The following USP39 variants were observed in gnomAD, a reference collection of about 807,000 sequenced individuals.
USP39 encodes the protein ubiquitin specific peptidase 39.
A neutral mutation model predicts 66.4 loss-of-function variants in USP39; 38 were observed. That is an observed-to-expected ratio of 0.57 (90% CI 0.44 to 0.75). The LOEUF (loss-of-function observed/expected upper bound fraction) is 0.75. Ranked by LOEUF, USP39 falls within the 30% of genes least tolerant of loss-of-function variation. USP39 has a pLI of 0.00. For synonymous variants in USP39, 303 were observed against 274.6 expected (o/e 1.10, Z -1.02); for missense variants, 608 against 714.4 (o/e 0.85, Z 1.70).
intron 4 of USP39, 73 bp downstream of exon 4, chr2:85,623,855 C>T (rs1359617171): frequency 1.4e-6 from 2 of 1,470,916 alleles, no homozygotes; most frequent in South Asian, 1.4e-5. Flanking sequence ...GGGACTGCCC[C>T]ACCTGAGGAC....
chr2:85,637,311 T>C, intron 7 of USP39, 58 bp from the exon 8 acceptor site: 3 of 1,575,266 alleles, frequency 1.9e-6, no homozygotes, highest in Admixed American at 1.7e-5. Context: ...GCTGGAAATA[T>C]ACTTCAGACA....
chr2:85,636,465 C>T (rs1265496032), intron 7 of USP39, among the ~76,000 whole-genome samples: 1 of 152,080 alleles, frequency 6.6e-6, no homozygotes, highest in Non-Finnish European at 1.5e-5. Flanking sequence ...AGGCCCCTCT[C>T]CATAGTTTTT....
At chr2:85,641,235 T>C in intron 10 of USP39, 117 bp downstream of exon 10, 2 of 1,245,912 alleles carry the variant, frequency 1.6e-6, no homozygotes, top group Non-Finnish European at 2.3e-6. Flanking sequence ...GAACAGAGCC[T>C]ACCTACAGTA....
upstream of USP39, chr2:85,609,084 T>C: frequency 6.2e-7 from 1 of 1,613,364 alleles, no homozygotes. Flanking sequence ...GGAGGAAGAG[T>C]CAGAAGGCTC....
upstream of USP39, chr2:85,609,397 C>T (rs1473782305): frequency 6.2e-7 from 1 of 1,608,082 alleles, no homozygotes; most frequent in Non-Finnish European, 8.5e-7. Flanking sequence ...TACCATGGCC[C>T]AGGACCTTCA....
At chr2:85,637,721 A>G (rs903907096) in intron 8 of USP39, among the ~76,000 whole-genome samples, 4 of 151,996 alleles carry the variant, frequency 2.6e-5, no homozygotes, top group Non-Finnish European at 5.9e-5. Context: ...TGTTTTTCTT[A>G]GTCTCCCTCT....
At chr2:85,630,005 G>C (rs958974426) in intron 5 of USP39, among the ~76,000 whole-genome samples, 2 of 151,886 alleles carry the variant, frequency 1.3e-5, no homozygotes, top group African/African-American at 4.8e-5. Context: ...GGGAACAGGT[G>C]GTTTTTGGTT....
chr2:85,637,079 A>G (rs1184147860), intron 7 of USP39, among the ~76,000 whole-genome samples: 1 of 152,176 alleles, frequency 6.6e-6, no homozygotes, highest in Non-Finnish European at 1.5e-5. Flanking sequence ...TTTGTAATTC[A>G]TGTATCACCA....
intron 6 of USP39, among the ~76,000 whole-genome samples, chr2:85,631,597 T>C (rs1675342827): frequency 6.6e-6 from 1 of 152,140 alleles, no homozygotes; most frequent in East Asian, 1.9e-4. Context: ...GAATAGAAAG[T>C]CGGTCTTATT....
upstream of USP39, among the ~76,000 whole-genome samples, chr2:85,612,578 C>A (rs576067019): frequency 2.6e-4 from 40 of 152,358 alleles, 2 homozygotes; most frequent in Admixed American, 2.3e-3. Context: ...GCTCACGGCG[C>A]CGATGGCTTA....
chr2:85,648,851 A>G lies in USP39; in HGVS notation c.*43A>G, dbSNP rs777950929. The G allele has an allele frequency of 6.2e-7, 1 of 1,610,574 alleles. No homozygotes were observed. The highest frequency in any genetic ancestry group is 8.5e-7 in the Non-Finnish European group (1 of 1,177,948). The stretch of plus-strand genomic sequence containing the variant: ...TTGCTCCCAAGGGCTGTGGCTGATG[A>G]TGGTAAATAAGAACACAGAAGCTGT... On this transcript the variant is annotated 3_prime_UTR_variant, in exon 13 of 13. Transcript: ENST00000323701.
Position 85,616,237 on chromosome 2 carries a change from C to T in USP39, c.42C>T (p.Arg14=), listed in dbSNP as rs200244374. The T allele has an allele frequency of 2.0e-6, 3 of 1,489,202 alleles. No individual in the cohort carries two copies. The highest frequency in any genetic ancestry group is 2.7e-6 in the Non-Finnish European group (3 of 1,116,996). 92.2% of individuals were successfully genotyped at this position (1,489,202 alleles called of 1,614,324 possible). The change falls in exon 1 of 13, where the codon CGC becomes CGT. Residue 14 remains arginine, a synonymous_variant. Transcript: ENST00000323701. ...RSKRESRGST[R]GKRESESRGS... is the part of the protein sequence containing the mutation. ...AGCGGGAGTCTCGCGGTTCCACTCG[C>T]GGGAAGCGAGAGTCTGAGTCGCGGG...
At chr2:85,614,192 C>T (rs962770388), upstream of USP39, among the ~76,000 whole-genome samples, 1 of 152,032 alleles carries the variant, frequency 6.6e-6, no homozygotes, top group African/African-American at 2.4e-5. Context: ...AGGGTGAGTC[C>T]ACAGTGCAAA....
At chr2:85,624,999 A>G (rs144752195) in intron 4 of USP39, among the ~76,000 whole-genome samples, 244 of 151,680 alleles carry the variant, frequency 1.6e-3, no homozygotes, top group Non-Finnish European at 1.7e-3. Flanking sequence ...GTATTTATAG[A>G]GGGAAAAACT....
upstream of USP39, among the ~76,000 whole-genome samples, chr2:85,615,498 A>T (rs577318038): frequency 2.6e-5 from 4 of 152,198 alleles, no homozygotes; most frequent in Non-Finnish European, 5.9e-5. Flanking sequence ...CTAAAAGTAG[A>T]ATTAGGGCTG....
Position 85,630,926 on chromosome 2 carries a change from CT to C in USP39, c.933del (p.Gln312ArgfsTer16). 2 of 1,614,088 alleles carry C rather than the reference CT, an allele frequency of 1.2e-6. No individual in the cohort carries two copies. The highest frequency in any genetic ancestry group is 8.5e-7 in the Non-Finnish European group (1 of 1,180,022). ...GCAGTTGTACTTTGCAGTAAGAAGA[CT>C]TTTCAGATCACCAAACAAGGTAAGA... Reference protein sequence around the residue: ...LQAVVLCSKKTFQITKQGDGV... With the variant: ...LQAVVLCSKKXFQITKQGDGV... On this transcript the variant is annotated frameshift_variant, in exon 6 of 13. Coordinates refer to ENST00000323701, the MANE Select transcript of USP39 (RefSeq NM_006590.4). LOFTEE classifies it high-confidence loss of function.
chr2:85,615,961 TA>T, upstream of USP39: 1 of 784,916 alleles, frequency 1.3e-6, no homozygotes, highest in Non-Finnish European at 1.5e-6. Flanking sequence ...CTGTCGCCAG[TA>T]AAGGTTCCCG....
upstream of USP39, chr2:85,612,080 C>T: frequency 2.8e-6 from 3 of 1,056,912 alleles, no homozygotes; most frequent in South Asian, 3.4e-5. Flanking sequence ...CAGCTTCCGG[C>T]CCCGCATCCT....
At position 85,648,452 on chromosome 2, in the gene USP39, C is replaced by T. The variant is rs147576174; in HGVS notation, c.1651-309C>T. ...TATCGCTTTGCCTGTCTGTCCTCTCCATTGGATTGACCCATGGAGCACAGA... is the reference window on the plus strand; with the variant it reads ...TATCGCTTTGCCTGTCTGTCCTCTCTATTGGATTGACCCATGGAGCACAGA... On this transcript the variant is annotated intron_variant, in intron 12 of 12. Coordinates refer to ENST00000323701, the MANE Select transcript of USP39 (RefSeq NM_006590.4). Among the ~76,000 whole-genome samples, 204 of 152,272 alleles carry T rather than the reference C, an allele frequency of 1.3e-3. 2 individuals carry two copies. The highest frequency in any genetic ancestry group is 4.7e-3 in the African/African-American group (196 of 41,560).
Sources: allele counts gnomAD v4.1 joint callset (sites outside exome capture counted in the v4.1 genomes callset), GRCh38; gene constraint gnomAD v4.1.1; transcripts MANE v1.5; gene names NCBI Gene and HGNC (gene_info 2026-07-23, HGNC 2026-07-21).